AP1G1: variants seen among roughly 807,000 people sequenced by gnomAD.
AP1G1 encodes the protein AP-1 complex subunit gamma-1.
Under a neutral mutation model 108.3 loss-of-function variants are expected in AP1G1, and 7 were observed. The observed-to-expected ratio is 0.06, with a 90% CI of 0.04 to 0.12. AP1G1 has a LOEUF of 0.12. AP1G1 is among the 10% of genes least tolerant of loss of function. The probability of loss-of-function intolerance (pLI) is 1.00; values close to 1 mark genes in which losing one functional copy is unlikely to be tolerated. For missense variants in AP1G1, 756 were observed against 1,010.7 expected (o/e 0.75, Z 3.42); for synonymous variants, 379 against 353.5 (o/e 1.07, Z -0.81).
intron 15 of AP1G1, 73 bp downstream of exon 15, chr16:71,749,821 C>T: frequency 1.6e-6 from 2 of 1,268,322 alleles, no homozygotes; most frequent in Admixed American, 1.7e-5. Context: ...AACCTCAACT[C>T]CCCATTAAAC....
intron 19 of AP1G1, among the ~76,000 whole-genome samples, chr16:71,741,310 C>T (rs2045617825): frequency 1.3e-5 from 2 of 152,128 alleles, no homozygotes; most frequent in African/African-American, 2.4e-5. Context: ...AGGCTGGGCG[C>T]GATGGCTCAT....
chr16:71,765,615 G>C (rs371646526), intron 6 of AP1G1, 31 bp from the exon 7 acceptor site: 2 of 1,533,738 alleles, frequency 1.3e-6, no homozygotes, highest in Non-Finnish European at 1.8e-6. Context: ...TCAAAAAACA[G>C]TGAATATTGA....
intron 2 of AP1G1, among the ~76,000 whole-genome samples, chr16:71,779,159 C>G (rs1048203116): frequency 6.6e-6 from 1 of 152,108 alleles, no homozygotes; most frequent in Non-Finnish European, 1.5e-5. Context: ...TTTTCAGCCC[C>G]CTTTGTAACA....
At chr16:71,733,242 CT>C in intron 22 of AP1G1, 83 bp from the exon 23 acceptor site, 1 of 1,133,150 alleles carries the variant, frequency 8.8e-7, no homozygotes, top group African/African-American at 1.5e-5. Flanking sequence ...GACTTTTAAT[CT>C]TAGAGGTCAA....
chr16:71,802,136 T>C (rs1173394741), intron 1 of AP1G1, among the ~76,000 whole-genome samples: 3 of 152,272 alleles, frequency 2.0e-5, no homozygotes, highest in South Asian at 4.1e-4. Context: ...GATTATACAG[T>C]TGTACAACTC....
chr16:71,737,122 T>C (rs1166830366), intron 21 of AP1G1, among the ~76,000 whole-genome samples: 1 of 152,072 alleles, frequency 6.6e-6, no homozygotes, highest in African/African-American at 2.4e-5. Context: ...TAAGCAACCT[T>C]AGGAAGTGGC....
At chr16:71,786,269 G>A (rs1187209613) in intron 2 of AP1G1, among the ~76,000 whole-genome samples, 1 of 152,016 alleles carries the variant, frequency 6.6e-6, no homozygotes. Context: ...AAAATATAGA[G>A]AGATTTTTTA....
chr16:71,738,991 C>T lies in AP1G1; in HGVS notation c.2219G>A (p.Ser740Asn). The T allele has an allele frequency of 6.2e-7, 1 of 1,614,092 alleles. No individual in the cohort carries two copies. ...VTVITIQASN[S>N]TELDMTDFVF... The stretch of plus-strand genomic sequence containing the variant: ...AAAGTCCGTCATATCTAGCTCTGTG[C>T]TGTTGGAGGCCTGTATCGTTATCAC... Residue 740 changes from serine to asparagine, a missense_variant, in exon 21 of 23, where the codon AGC (serine) becomes AAC (asparagine). By Grantham distance (46) the Ser-to-Asn change is conservative. Coordinates refer to ENST00000299980, the MANE Select transcript of AP1G1 (RefSeq NM_001128.6).
intron 21 of AP1G1, among the ~76,000 whole-genome samples, chr16:71,738,478 G>A (rs1021548650): frequency 3.9e-5 from 6 of 152,122 alleles, no homozygotes; most frequent in Admixed American, 3.9e-4. Flanking sequence ...TGTTAACGAA[G>A]GAGGAATGTT....
chr16:71,746,504 G>A (rs2030190206), intron 17 of AP1G1, 84 bp downstream of exon 17: 1 of 827,190 alleles, frequency 1.2e-6, no homozygotes, highest in East Asian at 2.6e-5. Flanking sequence ...TAAAGCACAA[G>A]GAATGAATCT....
chr16:71,775,019 C>CTTT (rs748508767), intron 2 of AP1G1, among the ~76,000 whole-genome samples: 10 of 69,730 alleles, frequency 1.4e-4, no homozygotes, highest in Admixed American at 1.8e-4. Context: ...CCGCGCCTGG[C>CTTT]TTTTTTTTTT....
intron 16 of AP1G1, 62 bp downstream of exon 16, chr16:71,748,189 G>T (rs1419496651): frequency 1.3e-6 from 2 of 1,552,414 alleles, no homozygotes; most frequent in East Asian, 2.3e-5. Context: ...AAGTTTTTTG[G>T]GATTTTTTTT....
chr16:71,749,294 C>G (rs1289698193), intron 15 of AP1G1, among the ~76,000 whole-genome samples: 1 of 151,686 alleles, frequency 6.6e-6, no homozygotes, highest in African/African-American at 2.4e-5. Context: ...CCAGCCTGGG[C>G]AACACGGTGA....
chr16:71,736,858 G>A (rs1410199369), intron 21 of AP1G1, among the ~76,000 whole-genome samples: 1 of 150,966 alleles, frequency 6.6e-6, no homozygotes, highest in Non-Finnish European at 1.5e-5. Context: ...GCCTCCCAAA[G>A]TGCTGGGATT....
intron 6 of AP1G1, among the ~76,000 whole-genome samples, chr16:71,768,235 C>T (rs1597062347): frequency 1.3e-5 from 2 of 149,462 alleles, no homozygotes; most frequent in African/African-American, 4.9e-5. Context: ...CGGTAGCTCA[C>T]GCCTGTAATC....
intron 19 of AP1G1, among the ~76,000 whole-genome samples, chr16:71,741,376 A>G (rs889023643): frequency 6.6e-6 from 1 of 152,186 alleles, no homozygotes; most frequent in African/African-American, 2.4e-5. Flanking sequence ...TGAGGTCAGG[A>G]GTTTGAGACC....
chr16:71,808,252 G>C, intron 1 of AP1G1: 1 of 1,054,278 alleles, frequency 9.5e-7, no homozygotes, highest in South Asian at 2.0e-5. Flanking sequence ...TTGGTCGGAA[G>C]GTTAGAGAGA....
At chr16:71,740,276 TG>T (rs1395811870) in intron 19 of AP1G1, among the ~76,000 whole-genome samples, 2 of 152,218 alleles carry the variant, frequency 1.3e-5, no homozygotes, top group Non-Finnish European at 2.9e-5. Flanking sequence ...GTAGCACCCC[TG>T]GGCTTTTATG....
chr16:71,798,654 G>A (rs1169574985), intron 1 of AP1G1, among the ~76,000 whole-genome samples: 2 of 152,016 alleles, frequency 1.3e-5, no homozygotes, highest in Non-Finnish European at 2.9e-5. Flanking sequence ...TTGGAAGGCA[G>A]AGGCAGGCAG....
Sources: gnomAD v4.1 joint callset for allele counts (sites outside exome capture counted in the v4.1 genomes callset) on GRCh38, gnomAD v4.1.1 for gene constraint, MANE v1.5 for transcripts, NCBI Gene and HGNC (gene_info 2026-07-23, HGNC 2026-07-21) for gene names.